Variants in PLEKHB1 observed in about 807,000 individuals in gnomAD.
PLEKHB1 encodes the protein pleckstrin homology domain-containing family B member 1.
A neutral mutation model predicts 36.2 loss-of-function variants in PLEKHB1; 29 were observed. The ratio of observed to expected loss-of-function variants is 0.80; its 90% CI spans 0.60 to 1.09. PLEKHB1 has a LOEUF of 1.09. PLEKHB1 is among the 50% of genes least tolerant of loss of function. PLEKHB1 has a pLI of 0.00. For synonymous variants in PLEKHB1, 138 were observed against 140.0 expected (o/e 0.99, Z 0.10); for missense variants, 330 against 348.2 (o/e 0.95, Z 0.42).
At chr11:73,652,859 C>A in intron 4 of PLEKHB1, 116 bp from the exon 5 acceptor site, 1 of 850,706 alleles carries the variant, frequency 1.2e-6, no homozygotes, top group Non-Finnish European at 1.9e-6. Context: ...GAGATCTCTC[C>A]TTTCATGAGA....
At chr11:73,650,985 G>T (rs1944878353) in intron 3 of PLEKHB1, among the ~76,000 whole-genome samples, 1 of 151,090 alleles carries the variant, frequency 6.6e-6, no homozygotes, top group African/African-American at 2.4e-5. Context: ...CCAACATAGC[G>T]AGACCCTGTC....
intron 6 of PLEKHB1, 71 bp from the exon 7 acceptor site, chr11:73,660,682 C>A: frequency 7.0e-7 from 1 of 1,430,514 alleles, no homozygotes; most frequent in South Asian, 1.3e-5. Context: ...AGGCCTGTGC[C>A]AGGCGTGGGG....
chr11:73,660,948 C>A, intron 7 of PLEKHB1, 96 bp downstream of exon 7: 1 of 1,144,928 alleles, frequency 8.7e-7, no homozygotes, highest in Non-Finnish European at 1.3e-6. Context: ...AGGCTTCATC[C>A]TTTTAGCGTG....
At position 73,649,968 on chromosome 11, in the gene PLEKHB1, G is replaced by A. The variant is rs535667567; in HGVS notation, c.95-585G>A. On this transcript the variant is annotated intron_variant, in intron 2 of 7. Coordinates refer to ENST00000354190, the MANE Select transcript of PLEKHB1 (RefSeq NM_021200.3). ...TGTAATCCCAACACTTTAGGAGGCT[G>A]AGTTGGGAGGATTGCTTGAGCCCAG... Among the ~76,000 whole-genome samples, 9 of 152,356 alleles carry A rather than the reference G, an allele frequency of 5.9e-5. No homozygotes were observed. The East Asian group carries it at 1.3e-3, about 23-fold the overall frequency.
chr11:73,649,971 T>C (rs182453746), intron 2 of PLEKHB1, among the ~76,000 whole-genome samples: 1 of 152,112 alleles, frequency 6.6e-6, no homozygotes, highest in East Asian at 1.9e-4. Flanking sequence ...GGAGGCTGAG[T>C]TGGGAGGATT....
rs545719378 is a variant in PLEKHB1, at chr11:73,662,653, C to G, written c.*1051C>G. ...CCCTCAGGTGGTCCACCAGTCTCCC[C>G]CTTTGGTTCCCTTCCAGTCTCTTCC... On this transcript the variant is annotated 3_prime_UTR_variant, in exon 8 of 8. Coordinates refer to ENST00000354190, the MANE Select transcript of PLEKHB1 (RefSeq NM_021200.3). 1 of 152,540 alleles carries G rather than the reference C, an allele frequency of 6.6e-6. No homozygotes were observed. The highest frequency in any genetic ancestry group is 1.9e-4 in the East Asian group (1 of 5,186). 9.4% of individuals were successfully genotyped at this position (152,540 alleles called of 1,614,324 possible). A position where few individuals can be genotyped will look rare whatever the true frequency, so the allele number is the denominator to read the frequency against.
chr11:73,661,618 G>C lies in PLEKHB1; in HGVS notation c.*16G>C. ...CTGGTTCTGAGCCCTGGGACTCGGA[G>C]CACTGACCCCTGCGCTTGGATTGCT... is the stretch of plus-strand genomic sequence containing the variant. On this transcript the variant is annotated 3_prime_UTR_variant, in exon 8 of 8. Coordinates refer to ENST00000354190, the MANE Select transcript of PLEKHB1 (RefSeq NM_021200.3). The surrounding 1 kb of genome is among the most constrained non-coding windows in gnomAD (Gnocchi z 4.6). The C allele has an allele frequency of 6.4e-7, 1 of 1,559,880 alleles. No individual in the cohort carries two copies. The highest frequency in any genetic ancestry group is 8.7e-7 in the Non-Finnish European group (1 of 1,155,384).
chr11:73,652,096 A>C, intron 4 of PLEKHB1: 1 of 582,212 alleles, frequency 1.7e-6, no homozygotes. Flanking sequence ...TGTGGTCTAC[A>C]GTGAACTCAG....
rs982286959 is a variant in PLEKHB1 at position 73,661,833 on chromosome 11, C to G, written c.*231C>G. 11 of 516,908 alleles carry G rather than the reference C, an allele frequency of 2.1e-5. No individual in the cohort carries two copies. Among genetic ancestry groups the G allele is most frequent in the South Asian group, 9.4e-5 (3 of 31,896 alleles). 32.0% of individuals were successfully genotyped at this position (516,908 alleles called of 1,614,324 possible). ...AAGTCTTCACATCTACCACTAGACA[C>G]CCCCAAAATCTGTTATAGACATTTA... On this transcript the variant is annotated 3_prime_UTR_variant, in exon 8 of 8. Coordinates refer to ENST00000354190, the MANE Select transcript of PLEKHB1 (RefSeq NM_021200.3). The surrounding 1 kb of genome is among the most constrained non-coding windows in gnomAD (Gnocchi z 4.6).
intron 3 of PLEKHB1, chr11:73,651,399 T>A (rs1214039751): frequency 6.3e-6 from 3 of 475,470 alleles, no homozygotes; most frequent in Non-Finnish European, 8.3e-6. Context: ...CTTTAGTGCC[T>A]TTCTCCTCTG....
chr11:73,652,733 G>C (rs1446882374), intron 4 of PLEKHB1: 1 of 476,218 alleles, frequency 2.1e-6, no homozygotes, highest in Non-Finnish European at 3.7e-6. Context: ...CCACTGTATA[G>C]ATGAGGAAAC....
intron 5 of PLEKHB1, chr11:73,653,508 G>A (rs962575274): frequency 1.3e-5 from 6 of 455,382 alleles, no homozygotes; most frequent in Non-Finnish European, 2.6e-5. Flanking sequence ...TCAGCCTAAT[G>A]AGAAGCCAGA....
At chr11:73,657,374 G>A (rs983191833) in intron 6 of PLEKHB1, among the ~76,000 whole-genome samples, 8 of 152,158 alleles carry the variant, frequency 5.3e-5, no homozygotes, top group African/African-American at 1.9e-4. Flanking sequence ...TTAAAGTGGG[G>A]ATGTCAAAAA....
Position 73,661,027 on chromosome 11 carries a change from C to T in PLEKHB1, c.595+175C>T. ...CCTGAGACTGGGAGAGCTCTGGAAC[C>T]AGCGTTCGTCTCGAGCTGACCTCAC... On this transcript the variant is annotated intron_variant, in intron 7 of 7. Coordinates refer to ENST00000354190, the MANE Select transcript of PLEKHB1 (RefSeq NM_021200.3). This position sits in a 1 kb window ranked among gnomAD's most constrained non-coding sequence, Gnocchi z 4.6. 1 of 664,618 alleles carries T rather than the reference C, an allele frequency of 1.5e-6. No homozygotes were observed. 41.2% of individuals were successfully genotyped at this position (664,618 alleles called of 1,614,324 possible).
chr11:73,657,084 A>G (rs1357809001), intron 6 of PLEKHB1, among the ~76,000 whole-genome samples: 1 of 152,210 alleles, frequency 6.6e-6, no homozygotes, highest in African/African-American at 2.4e-5. Context: ...ACGTGGTTGC[A>G]GTGAACCAAG....
At chr11:73,651,497 G>A (rs1944892139) in intron 3 of PLEKHB1, 23 of 598,656 alleles carry the variant, frequency 3.8e-5, no homozygotes, top group South Asian at 3.3e-4. Flanking sequence ...GAGGCCCAGA[G>A]AAGCGAAGTG....
At chr11:73,660,516 A>G in intron 6 of PLEKHB1, 1 of 543,210 alleles carries the variant, frequency 1.8e-6, no homozygotes, top group South Asian at 2.4e-5. Flanking sequence ...GTGGGAGGCC[A>G]GAGTTGGAGA....
intron 6 of PLEKHB1, chr11:73,660,473 A>G (rs890145853): frequency 2.1e-6 from 1 of 474,672 alleles, no homozygotes; most frequent in Non-Finnish European, 3.8e-6. Flanking sequence ...CTATAAGGAG[A>G]AATTGGGAGC....
At chr11:73,659,050 C>T (rs1034324138) in intron 6 of PLEKHB1, among the ~76,000 whole-genome samples, 17 of 151,964 alleles carry the variant, frequency 1.1e-4, no homozygotes, top group African/African-American at 3.9e-4. Flanking sequence ...ATGGTGAAAC[C>T]CTGTCTCTAC....
Sources: allele counts gnomAD v4.1 joint callset (sites outside exome capture counted in the v4.1 genomes callset), GRCh38; gene constraint gnomAD v4.1.1; non-coding constraint Gnocchi (gnomAD v3.1); transcripts MANE v1.5; gene names NCBI Gene and HGNC (gene_info 2026-07-23, HGNC 2026-07-21).